The following ZBTB7C variants were observed in gnomAD, a reference collection of about 807,000 sequenced individuals.
The protein encoded by ZBTB7C is zinc finger and BTB domain-containing protein 7C.
In ZBTB7C, 8 loss-of-function variants were observed where a neutral mutation model predicts 25.7. The ratio of observed to expected loss-of-function variants is 0.31; its 90% confidence interval spans 0.18 to 0.56. The LOEUF is 0.56. Ranked by LOEUF, ZBTB7C falls within the 20% of genes least tolerant of loss-of-function variation. The pLI is 0.91. For missense variants in ZBTB7C, 824 were observed against 855.2 expected (o/e 0.96, Z 0.46); for synonymous variants, 394 against 369.0 (o/e 1.07, Z -0.78).
chr18:48,366,925 T>C (rs941544084), intron 1 of ZBTB7C, among the ~76,000 whole-genome samples: 1 of 151,944 alleles, frequency 6.6e-6, no homozygotes, highest in African/African-American at 2.4e-5. Context: ...ATGGACTCTC[T>C]TGAGAAGGAC....
rs1409676087 is a variant in ZBTB7C, at chr18:48,304,289, A to C, written c.-79+33885T>G. Reference sequence around the variant, plus strand: ...GTGCTTTTTCCAGTTGTATTACTTTACTGAGACCAGAGTAACCATCTAAAT... The same window carrying C: ...GTGCTTTTTCCAGTTGTATTACTTTCCTGAGACCAGAGTAACCATCTAAAT... On this transcript the variant is annotated intron_variant, in intron 2 of 4. Transcript: ENST00000590800. Among the ~76,000 whole-genome samples, 3 of 152,308 alleles carry C rather than the reference A, an allele frequency of 2.0e-5. No homozygotes were observed. In the East Asian group the frequency reaches 5.8e-4, roughly 29 times the overall value.
intron 3 of ZBTB7C, among the ~76,000 whole-genome samples, chr18:48,095,011 G>C (rs570377320): frequency 4.6e-4 from 70 of 152,204 alleles, no homozygotes; most frequent in African/African-American, 1.6e-3. Context: ...ACCTGGCAAG[G>C]CATTTCTGGG....
rs528827777 is a variant in ZBTB7C at position 48,402,511 on chromosome 18, G to C, written c.-304+6715C>G. On this transcript the variant is annotated intron_variant, in intron 1 of 4. Coordinates refer to ENST00000590800, the MANE Select transcript of ZBTB7C (RefSeq NM_001318841.2). ...AAGCACATTCACAATGTGTTGGAAG[G>C]GGGGAAGGACAACTGTTTTCCTTAC... Among the ~76,000 whole-genome samples the C allele has an allele frequency of 1.6e-3, 244 of 152,304 alleles. 1 individual carries two copies. Among genetic ancestry groups the C allele is most frequent in the African/African-American group, 5.1e-3 (212 of 41,554 alleles).
At chr18:48,350,614 T>C (rs1392285487) in intron 1 of ZBTB7C, 1 of 152,168 alleles carries the variant, frequency 6.6e-6, no homozygotes, top group African/African-American at 2.4e-5. Flanking sequence ...AACAAATACA[T>C]TCACATTGTT....
intron 3 of ZBTB7C, among the ~76,000 whole-genome samples, chr18:48,130,386 G>A (rs954196359): frequency 6.6e-6 from 1 of 152,154 alleles, no homozygotes; most frequent in East Asian, 1.9e-4. Flanking sequence ...CCTGAGTGGG[G>A]AGGGAGAAGA....
chr18:48,179,708 C>T (rs1016883670), intron 3 of ZBTB7C, among the ~76,000 whole-genome samples: 1 of 148,168 alleles, frequency 6.7e-6, no homozygotes, highest in Non-Finnish European at 1.5e-5. Context: ...TCCTTCCCTG[C>T]GAGGAAGATA....
At chr18:48,265,534 T>C (rs1263718987) in intron 2 of ZBTB7C, among the ~76,000 whole-genome samples, 1 of 152,162 alleles carries the variant, frequency 6.6e-6, no homozygotes, top group African/African-American at 2.4e-5. Context: ...AGAGGAGAAC[T>C]AAATGACATC....
At chr18:48,039,209 A>G (rs944371003) in intron 4 of ZBTB7C, among the ~76,000 whole-genome samples, 7 of 152,250 alleles carry the variant, frequency 4.6e-5, no homozygotes, top group Non-Finnish European at 8.8e-5. Flanking sequence ...AGAGGAGAAC[A>G]TAAAAAGAGG....
intron 1 of ZBTB7C, among the ~76,000 whole-genome samples, chr18:48,356,627 C>T (rs911669099): frequency 2.0e-5 from 3 of 152,148 alleles, no homozygotes; most frequent in Admixed American, 6.5e-5. Flanking sequence ...GAAGGGAGGT[C>T]AGACCAGATA....
chr18:48,317,116 T>C (rs1470733357), intron 2 of ZBTB7C, among the ~76,000 whole-genome samples: 1 of 151,772 alleles, frequency 6.6e-6, no homozygotes, highest in African/African-American at 2.4e-5. Flanking sequence ...CTACTAAAAA[T>C]ACAAAAATCA....
At chr18:48,407,835 G>C (rs1417565607) in intron 1 of ZBTB7C, among the ~76,000 whole-genome samples, 1 of 152,086 alleles carries the variant, frequency 6.6e-6, no homozygotes, top group African/African-American at 2.4e-5. Context: ...ACGCAGTTTT[G>C]TACCTAGTTT....
At chr18:48,308,403 T>G (rs1200553440) in intron 2 of ZBTB7C, among the ~76,000 whole-genome samples, 1 of 152,006 alleles carries the variant, frequency 6.6e-6, no homozygotes, top group East Asian at 1.9e-4. Flanking sequence ...CCTTTCCACT[T>G]TTGGGGGTCA....
At chr18:48,203,173 G>T (rs1336883021) in intron 2 of ZBTB7C, among the ~76,000 whole-genome samples, 1 of 152,136 alleles carries the variant, frequency 6.6e-6, no homozygotes, top group Non-Finnish European at 1.5e-5. Flanking sequence ...GCCTCACTCA[G>T]TCTCCCTCTT....
intron 3 of ZBTB7C, among the ~76,000 whole-genome samples, chr18:48,166,185 A>T (rs1314209988): frequency 9.1e-6 from 1 of 109,584 alleles, no homozygotes; most frequent in Non-Finnish European, 1.9e-5. Context: ...TATTTCCAAG[A>T]CTTTTTCATC....
At chr18:48,284,532 A>G (rs2044975381) in intron 2 of ZBTB7C, among the ~76,000 whole-genome samples, 1 of 151,840 alleles carries the variant, frequency 6.6e-6, no homozygotes, top group Non-Finnish European at 1.5e-5. Context: ...GGTGGCTTAT[A>G]CCCGTAATCC....
chr18:48,369,128 C>T (rs1190862727), intron 1 of ZBTB7C, among the ~76,000 whole-genome samples: 1 of 151,956 alleles, frequency 6.6e-6, no homozygotes, highest in Non-Finnish European at 1.5e-5. Context: ...GTATGTAGAA[C>T]AAACATTTAA....
At chr18:48,219,445 A>C (rs773737417) in intron 2 of ZBTB7C, among the ~76,000 whole-genome samples, 9 of 152,220 alleles carry the variant, frequency 5.9e-5, no homozygotes, top group Non-Finnish European at 1.2e-4. Context: ...CTGTATCCCA[A>C]TGAGGCAAGT....
At chr18:48,227,615 G>C (rs2043138626) in intron 2 of ZBTB7C, among the ~76,000 whole-genome samples, 1 of 152,174 alleles carries the variant, frequency 6.6e-6, no homozygotes, top group Admixed American at 6.5e-5. Flanking sequence ...AGCCTATAGT[G>C]AATAGGAAAT....
chr18:48,215,530 T>A (rs1266681196), intron 2 of ZBTB7C, among the ~76,000 whole-genome samples: 1 of 152,224 alleles, frequency 6.6e-6, no homozygotes, highest in Non-Finnish European at 1.5e-5. Flanking sequence ...TTCAAAGATT[T>A]TCTGATTGGC....
Sources: gnomAD v4.1 joint callset for allele counts (sites outside exome capture counted in the v4.1 genomes callset) on GRCh38, gnomAD v4.1.1 for gene constraint, MANE v1.5 for transcripts, NCBI Gene and HGNC (gene_info 2026-07-23, HGNC 2026-07-21) for gene names.